Variants in EBF1 observed in about 807,000 individuals in gnomAD.
The protein encoded by EBF1 is EBF transcription factor 1.
A neutral mutation model predicts 68.4 loss-of-function variants in EBF1; 10 were observed. The ratio of observed to expected loss-of-function variants is 0.15; its 90% CI spans 0.09 to 0.25. EBF1 has a LOEUF of 0.25. Ranked by LOEUF, EBF1 falls within the 10% of genes least tolerant of loss-of-function variation. The pLI, the probability that EBF1 is intolerant of heterozygous loss-of-function variation, is 1.00. For missense variants in EBF1, 509 were observed against 794.4 expected, an observed-to-expected ratio of 0.64 and a Z score of 4.32; for synonymous variants, 298 against 299.8, an observed-to-expected ratio of 0.99 and a Z score of 0.06.
At chr5:158,937,035 A>C (rs1015531956) in intron 6 of EBF1, among the ~76,000 whole-genome samples, 1 of 151,832 alleles carries the variant, frequency 6.6e-6, no homozygotes, top group African/African-American at 2.4e-5. Flanking sequence ...ACTTAGTGCG[A>C]CTGACTGGGG....
At chr5:159,060,315 A>T (rs1021728717) in intron 6 of EBF1, among the ~76,000 whole-genome samples, 1 of 152,230 alleles carries the variant, frequency 6.6e-6, no homozygotes, top group African/African-American at 2.4e-5. Flanking sequence ...AATGTAAAAA[A>T]AGCATGTCAT....
intron 3 of EBF1, 39 bp downstream of exon 3, chr5:159,096,304 A>C (rs555487392): frequency 6.2e-7 from 1 of 1,600,074 alleles, no homozygotes; most frequent in Admixed American, 1.7e-5. Flanking sequence ...CCAGACCCGG[A>C]GCCCCAGGGT....
chr5:158,796,595 T>A, intron 8 of EBF1, 120 bp from the exon 9 acceptor site: 1 of 1,248,942 alleles, frequency 8.0e-7, no homozygotes, highest in Non-Finnish European at 1.1e-6. Context: ...AGAAAGTCCC[T>A]CAAGATCTCA....
intron 15 of EBF1, among the ~76,000 whole-genome samples, chr5:158,701,946 G>A (rs1756858182): frequency 6.6e-6 from 1 of 152,128 alleles, no homozygotes; most frequent in South Asian, 2.1e-4. Context: ...TCCTCATGGG[G>A]AATCTTCATG....
intron 10 of EBF1, among the ~76,000 whole-genome samples, chr5:158,764,214 T>C (rs1378379042): frequency 6.6e-6 from 1 of 152,158 alleles, no homozygotes; most frequent in East Asian, 1.9e-4. Flanking sequence ...AGTCATACAG[T>C]TTCTTTATAA....
chr5:159,099,404 G>T lies in EBF1; in HGVS notation c.75C>A (p.Asn25Lys), dbSNP rs1783239079. ...MKEEPLGSGM[N>K]AVRTWMQGAG... ...CGCCCTGCATCCACGTCCGCACCGC[G>T]TTCATGCCGCTGCCCAGCGGCTCTT... Residue 25 changes from asparagine (N) to lysine (K), a missense_variant, in exon 1 of 16, where the codon AAC becomes AAA. By Grantham distance (94) the Asn-to-Lys change is moderately conservative. Transcript: ENST00000313708. 2 of 1,601,758 alleles carry T rather than the reference G, an allele frequency of 1.2e-6. No individual in the cohort carries two copies. Among genetic ancestry groups the T allele is most frequent in the Non-Finnish European group, 1.7e-6 (2 of 1,174,226 alleles).
intron 6 of EBF1, among the ~76,000 whole-genome samples, chr5:158,901,605 A>G (rs1308569069): frequency 2.0e-5 from 3 of 152,258 alleles, no homozygotes. Context: ...AGCATTTTCC[A>G]TAATAATAAT....
chr5:158,907,974 C>CT (rs1050827235), intron 6 of EBF1, among the ~76,000 whole-genome samples: 2 of 151,994 alleles, frequency 1.3e-5, no homozygotes, highest in Non-Finnish European at 2.9e-5. Flanking sequence ...TAACTAATAG[C>CT]TGTAGAAAAA....
At position 158,839,800 on chromosome 5, in the gene EBF1, A is replaced by C. The variant is rs146551268; in HGVS notation, c.636+229T>G. ...GCAAGTGAGTCCACTCAGGCAGCCA[A>C]AACTAGACTCAAAGAACACCATTGT... On this transcript the variant is annotated intron_variant, in intron 7 of 15. Transcript: ENST00000313708. Among the ~76,000 whole-genome samples, 123 of 152,320 alleles carry C rather than the reference A, an allele frequency of 8.1e-4. 1 individual carries two copies. Among genetic ancestry groups the C allele is most frequent in the African/African-American group, 2.8e-3 (115 of 41,566 alleles).
rs564537880 is a variant in EBF1 at position 158,698,905 on chromosome 5, C to G, written c.*206G>C. The G allele has an allele frequency of 2.2e-6, 1 of 452,738 alleles. No individual in the cohort carries two copies. The highest frequency in any genetic ancestry group is 6.0e-5 in the South Asian group (1 of 16,656). 28.0% of individuals were successfully genotyped at this position (452,738 alleles called of 1,614,324 possible). A position where few individuals can be genotyped will look rare whatever the true frequency, so the allele number is the denominator to read the frequency against. The stretch of plus-strand genomic sequence containing the variant: ...TCCCCCAAATACTTGGGAGGTACAA[C>G]TTTAACCAACACCCTGCACTTGCAG... On this transcript the variant is annotated 3_prime_UTR_variant, in exon 16 of 16. Coordinates refer to ENST00000313708, the MANE Select transcript of EBF1 (RefSeq NM_024007.5).
At chr5:158,941,705 A>T (rs1001142573) in intron 6 of EBF1, among the ~76,000 whole-genome samples, 4 of 152,136 alleles carry the variant, frequency 2.6e-5, no homozygotes, top group Non-Finnish European at 5.9e-5. Context: ...TGTGTGCAGG[A>T]TGCTTTCTCA....
At chr5:159,095,908 C>A (rs191653831) in intron 3 of EBF1, among the ~76,000 whole-genome samples, 56 of 152,344 alleles carry the variant, frequency 3.7e-4, no homozygotes, top group African/African-American at 1.3e-3. Flanking sequence ...GGAAGCCAGA[C>A]GCCAAGTTCT....
rs1317627642 is a variant in EBF1, at chr5:158,698,572, A to C, written c.*539T>G. 1 of 220,700 alleles carries C rather than the reference A, an allele frequency of 4.5e-6. No homozygotes were observed. The highest frequency in any genetic ancestry group is 9.1e-6 in the Non-Finnish European group (1 of 110,056). 13.7% of individuals were successfully genotyped at this position (220,700 alleles called of 1,614,324 possible). A position where few individuals can be genotyped will look rare whatever the true frequency, so the allele number is the denominator to read the frequency against. On this transcript the variant is annotated 3_prime_UTR_variant, in exon 16 of 16. Coordinates refer to ENST00000313708, the MANE Select transcript of EBF1 (RefSeq NM_024007.5). ...AGCTAACTACCATTTGATATGCTTT[A>C]AGGCGCAAAAGCCGACCCTTAGTTT... is the stretch of plus-strand genomic sequence containing the variant.
chr5:158,960,882 G>A (rs533318173), intron 6 of EBF1, among the ~76,000 whole-genome samples: 27 of 152,130 alleles, frequency 1.8e-4, no homozygotes, highest in Non-Finnish European at 3.5e-4. Flanking sequence ...CCCTGTGAAC[G>A]AACTACCTTG....
At chr5:158,770,264 T>A (rs1773608373) in intron 10 of EBF1, among the ~76,000 whole-genome samples, 1 of 151,972 alleles carries the variant, frequency 6.6e-6, no homozygotes, top group Non-Finnish European at 1.5e-5. Context: ...CCATTTTTCC[T>A]CTTAAATTCC....
intron 7 of EBF1, among the ~76,000 whole-genome samples, chr5:158,837,929 G>A (rs1298831668): frequency 6.6e-6 from 1 of 152,060 alleles, no homozygotes; most frequent in East Asian, 1.9e-4. Context: ...GAAATATAAG[G>A]TTCATGTCAA....
intron 6 of EBF1, among the ~76,000 whole-genome samples, chr5:158,956,065 T>C: frequency 6.6e-6 from 1 of 151,722 alleles, no homozygotes; most frequent in Non-Finnish European, 1.5e-5. Context: ...TGTGTGTGTG[T>C]GTGTGTGTGT....
chr5:158,945,860 C>T (rs1485458770), intron 6 of EBF1, among the ~76,000 whole-genome samples: 3 of 152,158 alleles, frequency 2.0e-5, no homozygotes, highest in Admixed American at 1.3e-4. Flanking sequence ...TCTCATATTT[C>T]TTGGAGGCTT....
intron 8 of EBF1, among the ~76,000 whole-genome samples, chr5:158,806,695 C>T (rs947191582): frequency 2.6e-5 from 4 of 152,154 alleles, no homozygotes; most frequent in African/African-American, 9.6e-5. Context: ...TTTTGTAAAA[C>T]ACATGTCTTA....
Sources: allele counts gnomAD v4.1 joint callset (sites outside exome capture counted in the v4.1 genomes callset), GRCh38; gene constraint gnomAD v4.1.1; transcripts MANE v1.5; gene names NCBI Gene and HGNC (gene_info 2026-07-23, HGNC 2026-07-21).